OR5H1: variants seen among roughly 807,000 people sequenced by gnomAD.
OR5H1 encodes olfactory receptor family 5 subfamily H member 1, also known as olfactory receptor 5H1.
For missense variants in OR5H1, 378 were observed against 366.8 expected (o/e 1.03, Z -0.25); for synonymous variants, 124 against 134.4 (o/e 0.92, Z 0.54).
chr3:98,131,095 A>G (rs1267875252), intron 1 of OR5H1, among the ~76,000 whole-genome samples: 1 of 152,096 alleles, frequency 6.6e-6, no homozygotes, highest in Non-Finnish European at 1.5e-5. Flanking sequence ...ATGAGTTTAT[A>G]TAAATTAGGG....
At position 98,133,465 on chromosome 3, in the gene OR5H1, C is replaced by T. The variant is rs1708283263; in HGVS notation, c.768C>T (p.Leu256=). Residue 256 remains leucine, a synonymous_variant, in exon 2 of 2, where the codon CTC becomes CTT. Coordinates refer to ENST00000641874, the MANE Select transcript of OR5H1 (RefSeq NM_001005338.2). ...TCTCTTTATACTATGGACCCCTTCT[C>T]TTCATTTATGTGGGCCCTGCATCTC... ...FSVSLYYGPL[L]FIYVGPASPQ... 6.2e-7 allele frequency: 1 copy of T among 1,613,436 alleles called. No homozygotes were observed. The highest frequency in any genetic ancestry group is 8.5e-7 in the Non-Finnish European group (1 of 1,179,628).
In OR5H1 at chr3:98,133,620, A is replaced by G; in HGVS notation, c.923A>G (p.His308Arg). The G allele has an allele frequency of 6.2e-7, 1 of 1,603,652 alleles. No homozygotes were observed. Among genetic ancestry groups the G allele is most frequent in the Non-Finnish European group, 8.5e-7 (1 of 1,175,282 alleles). Residue 308 changes from histidine (H) to arginine (R), a missense_variant, in exon 2 of 2, where the codon CAT (histidine) becomes CGT (arginine). Coordinates refer to ENST00000641874, the MANE Select transcript of OR5H1 (RefSeq NM_001005338.2). ...TVSFTKMLKK[H>R]VKVSY The stretch of plus-strand genomic sequence containing the variant: ...TCATTCACAAAAATGTTAAAAAAAC[A>G]TGTTAAGGTTTCATACTAATATCCT...
Position 98,134,680 on chromosome 3 carries a change from C to G in OR5H1, c.*1041C>G, listed in dbSNP as rs1363712809. The G allele has an allele frequency of 6.6e-6, 1 of 152,062 alleles. No individual in the cohort carries two copies. The highest frequency in any genetic ancestry group is 1.5e-5 in the Non-Finnish European group (1 of 67,976). The allele number at this position is 152,062 out of a possible 1,614,324, so 9.4% of individuals were successfully genotyped here. On this transcript the variant is annotated 3_prime_UTR_variant, in exon 2 of 2. Transcript: ENST00000641874. ...AACCTTCTTAACACTTCTTGTACTT[C>G]AAGTATGTTAATCATCTTTCTACCA...
intron 1 of OR5H1, among the ~76,000 whole-genome samples, chr3:98,131,535 G>C (rs1312922058): frequency 6.6e-6 from 1 of 151,164 alleles, no homozygotes; most frequent in African/African-American, 2.4e-5. Context: ...CTATGATTTC[G>C]ATGGCAAAAA....
intron 1 of OR5H1, among the ~76,000 whole-genome samples, chr3:98,131,500 G>A (rs774364758): frequency 8.6e-5 from 13 of 151,204 alleles, no homozygotes; most frequent in Non-Finnish European, 1.5e-4. Context: ...TAGTTCTTTT[G>A]GCAGTATGTT....
rs751836301 is a variant in OR5H1, at chr3:98,132,730, G to T, written c.33G>T (p.Glu11Asp). The T allele has an allele frequency of 2.5e-6, 4 of 1,613,202 alleles. No homozygotes were observed. Among genetic ancestry groups the T allele is most frequent in the Non-Finnish European group, 3.4e-6 (4 of 1,179,416 alleles). The change falls in exon 2 of 2, where the codon GAG (glutamate) becomes GAT (aspartate). Residue 11 changes from glutamate (E) to aspartate (D), a missense_variant. Coordinates refer to ENST00000641874, the MANE Select transcript of OR5H1 (RefSeq NM_001005338.2). ...AGGAAAATGCAACATTGCTGACAGA[G>T]TTTGTTCTCACAGGATTTTTATATC... The part of the protein sequence containing the change: MEEENATLLT[E>D]FVLTGFLYQP...
rs1352177983 is a variant in OR5H1, at chr3:98,133,617, A to G, written c.920A>G (p.Lys307Arg). ...GTTTCATTCACAAAAATGTTAAAAA[A>G]ACATGTTAAGGTTTCATACTAATAT... Reference protein sequence around the residue: ...VTVSFTKMLKKHVKVSY With the variant: ...VTVSFTKMLKRHVKVSY The change falls in exon 2 of 2, where the codon AAA becomes AGA. Residue 307 changes from lysine (K) to arginine (R), a missense_variant. Coordinates refer to ENST00000641874, the MANE Select transcript of OR5H1 (RefSeq NM_001005338.2). 4 of 1,604,936 alleles carry G rather than the reference A, an allele frequency of 2.5e-6. No homozygotes were observed. Among genetic ancestry groups the G allele is most frequent in the Admixed American group, 1.7e-5 (1 of 58,562 alleles).
chr3:98,131,000 T>A (rs1708250145), intron 1 of OR5H1, 150 bp downstream of exon 1: 1 of 152,104 alleles, frequency 6.6e-6, no homozygotes, highest in African/African-American at 2.4e-5. Context: ...TTTTTATATT[T>A]TAGTTTTATG....
In OR5H1 at chr3:98,133,453, T is replaced by C. The variant is rs778837535; in HGVS notation, c.756T>C (p.Tyr252=). ...GAHLFSVSLY[Y]GPLLFIYVGP... ...ATCTCTTCTCTGTCTCTTTATACTA[T>C]GGACCCCTTCTCTTCATTTATGTGG... The change falls in exon 2 of 2, where the codon TAT becomes TAC. Residue 252 remains tyrosine, a synonymous_variant. Coordinates refer to ENST00000641874, the MANE Select transcript of OR5H1 (RefSeq NM_001005338.2). 26 of 1,613,432 alleles carry C rather than the reference T, an allele frequency of 1.6e-5. No individual in the cohort carries two copies. Among genetic ancestry groups the C allele is most frequent in the Middle Eastern group, 1.6e-4 (1 of 6,080 alleles).
rs1380667746 is a variant in OR5H1 at position 98,135,766 on chromosome 3, A to C, written c.*2127A>C. 6.6e-6 allele frequency: 1 copy of C among 152,326 alleles called. No homozygotes were observed. Among genetic ancestry groups the C allele is most frequent in the African/African-American group, 2.4e-5 (1 of 41,588 alleles). The allele number at this position is 152,326 out of a possible 1,614,324, so 9.4% of individuals were successfully genotyped here. ...GTATGAACAAAACCAACTGAAATAA[A>C]CCAAATGAAAATAATAAAAGGTTAA... On this transcript the variant is annotated 3_prime_UTR_variant, in exon 2 of 2. Coordinates refer to ENST00000641874, the MANE Select transcript of OR5H1 (RefSeq NM_001005338.2).
Position 98,133,702 on chromosome 3 carries a change from T to C in OR5H1, c.*63T>C. The C allele has an allele frequency of 2.2e-6, 3 of 1,369,226 alleles. No individual in the cohort carries two copies. Among genetic ancestry groups the C allele is most frequent in the Non-Finnish European group, 2.0e-6 (2 of 984,642 alleles). 84.8% of individuals were successfully genotyped at this position (1,369,226 alleles called of 1,614,324 possible). On this transcript the variant is annotated 3_prime_UTR_variant, in exon 2 of 2. Coordinates refer to ENST00000641874, the MANE Select transcript of OR5H1 (RefSeq NM_001005338.2). ...TGCAAGTTAGAGGTACCTATGTTGT[T>C]TCCAGTGTTCAAACATTTTTGCAAG...
At chr3:98,131,568 T>C (rs532693453) in intron 1 of OR5H1, among the ~76,000 whole-genome samples, 2 of 151,998 alleles carry the variant, frequency 1.3e-5, no homozygotes, top group Non-Finnish European at 2.9e-5. Context: ...CTTGGCCATT[T>C]ACAGGACATA....
At position 98,133,366 on chromosome 3, in the gene OR5H1, C is replaced by T. The variant is rs766879445; in HGVS notation, c.669C>T (p.Phe223=). Residue 223 remains phenylalanine (F), a synonymous_variant, in exon 2 of 2, where the codon TTC becomes TTT. Coordinates refer to ENST00000641874, the MANE Select transcript of OR5H1 (RefSeq NM_001005338.2). ...TTGTATCTTATACATTTGTTCTCTT[C>T]GCAATCTTAAAAAAGAAATCTGATA... ...TILVSYTFVL[F]AILKKKSDKG... 27 of 1,612,888 alleles carry T rather than the reference C, an allele frequency of 1.7e-5. No homozygotes were observed. The highest frequency in any genetic ancestry group is 1.6e-4 in the Middle Eastern group (1 of 6,080).
At position 98,133,642 on chromosome 3, in the gene OR5H1, T is replaced by C. The variant is rs755606881; in HGVS notation, c.*3T>C. On this transcript the variant is annotated 3_prime_UTR_variant, in exon 2 of 2. Coordinates refer to ENST00000641874, the MANE Select transcript of OR5H1 (RefSeq NM_001005338.2). ...AACATGTTAAGGTTTCATACTAATA[T>C]CCTTTCTCTAATTACAAAAATAGTC... 9.5e-6 allele frequency: 15 copies of C among 1,582,592 alleles called. No homozygotes were observed. In the African/African-American group the frequency reaches 1.8e-4, roughly 19 times the overall value.
Position 98,136,449 on chromosome 3 carries a change from A to G in OR5H1, c.*2810A>G, listed in dbSNP as rs1035283948. On this transcript the variant is annotated 3_prime_UTR_variant, in exon 2 of 2. Coordinates refer to ENST00000641874, the MANE Select transcript of OR5H1 (RefSeq NM_001005338.2). ...TCCCCTGTACTCAAAAAGGTCCTAAAAGTATATTTCAGTTCCTGGGCCTTC... is the reference window on the plus strand; with the variant it reads ...TCCCCTGTACTCAAAAAGGTCCTAAGAGTATATTTCAGTTCCTGGGCCTTC... 3.3e-5 allele frequency: 5 copies of G among 152,188 alleles called. No individual in the cohort carries two copies. Among genetic ancestry groups the G allele is most frequent in the Non-Finnish European group, 7.3e-5 (5 of 68,042 alleles). 9.4% of individuals were successfully genotyped at this position (152,188 alleles called of 1,614,324 possible). A position where few individuals can be genotyped will look rare whatever the true frequency, so the allele number is the denominator to read the frequency against.
intron 1 of OR5H1, among the ~76,000 whole-genome samples, chr3:98,132,018 C>T (rs75061713): frequency 0.013 from 1,948 of 151,978 alleles, 37 homozygotes; most frequent in African/African-American, 0.044. Context: ...TTGAATCCCC[C>T]GGAGGGTATT....
In OR5H1 at chr3:98,133,386, C is replaced by T; in HGVS notation, c.689C>T (p.Ser230Phe). The T allele has an allele frequency of 1.9e-6, 3 of 1,613,118 alleles. No individual in the cohort carries two copies. Among genetic ancestry groups the T allele is most frequent in the Non-Finnish European group, 2.5e-6 (3 of 1,179,538 alleles). ...FVLFAILKKK[S>F]DKGVRKAFST... ...CTCTTCGCAATCTTAAAAAAGAAAT[C>T]TGATAAAGGTGTAAGGAAAGCCTTT... The change falls in exon 2 of 2, where the codon TCT becomes TTT. Residue 230 changes from serine (S) to phenylalanine (F), a missense_variant. By Grantham distance (155) the Ser-to-Phe change is radical (BLOSUM62 -2). Transcript: ENST00000641874.
In OR5H1 at chr3:98,137,778, T is replaced by G. The variant is rs1254880564; in HGVS notation, c.*4139T>G. ...ATCAACTGTGTGAAACTCTAAGGGT[T>G]TAATTTACCACAGAGAAGTGGGAAG... is the stretch of plus-strand genomic sequence containing the variant. On this transcript the variant is annotated 3_prime_UTR_variant, in exon 2 of 2. Transcript: ENST00000641874. The G allele has an allele frequency of 6.6e-6, 1 of 152,190 alleles. No homozygotes were observed. The highest frequency in any genetic ancestry group is 1.5e-5 in the Non-Finnish European group (1 of 68,034). The allele number at this position is 152,190 out of a possible 1,614,324, so 9.4% of individuals were successfully genotyped here. A position where few individuals can be genotyped will look rare whatever the true frequency, so the allele number is the denominator to read the frequency against.
rs201598608 is a variant in OR5H1 at position 98,131,133 on chromosome 3, G to C, written c.-19+283G>C. Among the ~76,000 whole-genome samples, 6 of 152,062 alleles carry C rather than the reference G, an allele frequency of 3.9e-5. No individual in the cohort carries two copies. In the East Asian group the frequency reaches 1.2e-3, roughly 29 times the overall value. On this transcript the variant is annotated intron_variant, in intron 1 of 1. Transcript: ENST00000641874. ...TTAAACAACTAAAACTTGGTTTAAAGATTCAGATAATAATGATTCTTAGAA... is the reference window on the plus strand; with the variant it reads ...TTAAACAACTAAAACTTGGTTTAAACATTCAGATAATAATGATTCTTAGAA...
Sources: gnomAD v4.1 joint callset for allele counts (sites outside exome capture counted in the v4.1 genomes callset) on GRCh38, gnomAD v4.1.1 for gene constraint, MANE v1.5 for transcripts, NCBI Gene and HGNC (gene_info 2026-07-23, HGNC 2026-07-21) for gene names.